The following PTPRD variants were observed in gnomAD, a reference collection of about 807,000 sequenced individuals.
PTPRD encodes protein tyrosine phosphatase receptor type D, also known as receptor-type tyrosine-protein phosphatase delta.
A neutral mutation model predicts 214.5 loss-of-function variants in PTPRD; 34 were observed. The ratio of observed to expected loss-of-function variants is 0.16; its 90% CI spans 0.12 to 0.21. The LOEUF is 0.21. Among genes scored for constraint, PTPRD ranks in the 10% least tolerant of loss-of-function variants. The probability of loss-of-function intolerance (pLI) is 1.00; values close to 1 mark genes in which losing one functional copy is unlikely to be tolerated. For missense variants in PTPRD, 2,545 were observed against 2,398.7 expected, an observed-to-expected ratio of 1.06 and a Z score of -1.27; for synonymous variants, 1,128 against 845.7, an observed-to-expected ratio of 1.33 and a Z score of -5.79.
chr9:9,593,220 C>T (rs1207976566), intron 7 of PTPRD, among the ~76,000 whole-genome samples: 1 of 150,412 alleles, frequency 6.6e-6, no homozygotes, highest in Non-Finnish European at 1.5e-5. Flanking sequence ...TTTGTTTTTC[C>T]CCCCCCTCAA....
In PTPRD at chr9:8,331,777, G is replaced by A. The variant is rs144241476; in HGVS notation, c.5380-41C>T. On this transcript the variant is annotated intron_variant, in intron 43 of 45. Transcript: ENST00000381196. ...CACATACCCGGCCGCAAAGGAAGAC[G>A]CCAGGAGGATTCAGCAAGCATACGG... is the stretch of plus-strand genomic sequence containing the variant. The A allele has an allele frequency of 2.1e-5, 32 of 1,530,612 alleles. No individual in the cohort carries two copies. In the East Asian group the frequency reaches 2.3e-4, roughly 11 times the overall value. The allele number at this position is 1,530,612 out of a possible 1,614,324, so 94.8% of individuals were successfully genotyped here.
intron 11 of PTPRD, 80 bp downstream of exon 11, chr9:9,018,617 T>C (rs1589877667): frequency 6.6e-6 from 1 of 152,260 alleles, no homozygotes; most frequent in African/African-American, 2.4e-5. Context: ...CAACCCACAG[T>C]AGTAAAGAAA....
intron 11 of PTPRD, among the ~76,000 whole-genome samples, chr9:8,848,570 C>T (rs1271459133): frequency 2.0e-5 from 3 of 149,382 alleles, no homozygotes; most frequent in African/African-American, 7.4e-5. Context: ...GTCTTAAACT[C>T]CTGGGCTCAA....
At chr9:10,050,945 A>G (rs147156249) in intron 3 of PTPRD, among the ~76,000 whole-genome samples, 1 of 152,266 alleles carries the variant, frequency 6.6e-6, no homozygotes, top group Non-Finnish European at 1.5e-5. Context: ...GGGTAAGCAT[A>G]TGTAATGCTT....
At chr9:8,852,312 G>C (rs1253218476) in intron 11 of PTPRD, among the ~76,000 whole-genome samples, 1 of 152,164 alleles carries the variant, frequency 6.6e-6, no homozygotes, top group Non-Finnish European at 1.5e-5. Flanking sequence ...TCATGCAACT[G>C]GCAGAGTTAC....
chr9:10,289,438 C>A (rs373797424), intron 3 of PTPRD, among the ~76,000 whole-genome samples: 2 of 152,028 alleles, frequency 1.3e-5, no homozygotes, highest in Non-Finnish European at 2.9e-5. Context: ...GATGTGACTG[C>A]CTAACATCAA....
intron 3 of PTPRD, among the ~76,000 whole-genome samples, chr9:10,036,822 T>A (rs1250545516): frequency 6.6e-6 from 1 of 152,068 alleles, no homozygotes; most frequent in Non-Finnish European, 1.5e-5. Flanking sequence ...GACCTTGTGA[T>A]CTGCCCGCCT....
intron 8 of PTPRD, among the ~76,000 whole-genome samples, chr9:9,567,556 C>G (rs1053592823): frequency 3.9e-5 from 6 of 152,088 alleles, no homozygotes; most frequent in Admixed American, 2.6e-4. Flanking sequence ...CTAAAGTAAA[C>G]TCACATTTTA....
intron 9 of PTPRD, among the ~76,000 whole-genome samples, chr9:9,367,717 T>C (rs2058269399): frequency 6.6e-6 from 1 of 151,676 alleles, no homozygotes; most frequent in Admixed American, 6.6e-5. Flanking sequence ...ATAGCTCCAA[T>C]TTCCTGGGTG....
At chr9:9,066,175 C>G (rs1382044787) in intron 10 of PTPRD, among the ~76,000 whole-genome samples, 2 of 152,006 alleles carry the variant, frequency 1.3e-5, no homozygotes, top group African/African-American at 4.8e-5. Context: ...TTAATGTTAT[C>G]CTACTCTCAT....
intron 3 of PTPRD, among the ~76,000 whole-genome samples, chr9:10,268,849 G>A (rs2094252409): frequency 6.6e-6 from 1 of 152,184 alleles, no homozygotes; most frequent in Admixed American, 6.5e-5. Flanking sequence ...GAAGAGGGTT[G>A]GCTAAATATA....
At chr9:9,089,304 T>C (rs2099772134) in intron 10 of PTPRD, among the ~76,000 whole-genome samples, 2 of 152,196 alleles carry the variant, frequency 1.3e-5, no homozygotes, top group Non-Finnish European at 2.9e-5. Flanking sequence ...GTCCTAATAA[T>C]ACTTTATTGG....
intron 2 of PTPRD, among the ~76,000 whole-genome samples, chr9:10,499,303 G>C (rs10959125): frequency 0.26 from 38,720 of 151,628 alleles, 5,252 homozygotes; most frequent in East Asian, 0.41. Context: ...TCTTGTGTTA[G>C]TTTGCCCAGA....
chr9:10,193,969 A>G (rs2099385738), intron 3 of PTPRD, among the ~76,000 whole-genome samples: 1 of 152,144 alleles, frequency 6.6e-6, no homozygotes, highest in Non-Finnish European at 1.5e-5. Flanking sequence ...GCTCAAAGTT[A>G]GAACAAAGAA....
chr9:8,867,952 A>G (rs1586940631), intron 11 of PTPRD, among the ~76,000 whole-genome samples: 2 of 152,262 alleles, frequency 1.3e-5, no homozygotes, highest in East Asian at 1.9e-4. Context: ...TGAAAACTTT[A>G]TAGGGCACAA....
chr9:8,917,017 T>C (rs1389239181), intron 11 of PTPRD, among the ~76,000 whole-genome samples: 1 of 151,546 alleles, frequency 6.6e-6, no homozygotes, highest in East Asian at 1.9e-4. Flanking sequence ...GCCTCTCTTT[T>C]CTCTCTGCAC....
At chr9:9,400,570 A>T (rs2069949525) in intron 8 of PTPRD, among the ~76,000 whole-genome samples, 1 of 152,048 alleles carries the variant, frequency 6.6e-6, no homozygotes, top group East Asian at 1.9e-4. Flanking sequence ...TTCATTTCCA[A>T]CCACATCTCC....
In PTPRD at chr9:9,700,982, C is replaced by T. The variant is rs565133590; in HGVS notation, c.-287+33551G>A. On this transcript the variant is annotated intron_variant, in intron 7 of 45. Transcript: ENST00000381196. ...AAAGAGTTGTAGGAACTCAGAGAAA[C>T]GAGTACTTCATTCCCCTAGAAGTCA... Among the ~76,000 whole-genome samples the T allele has an allele frequency of 7.3e-5, 11 of 150,912 alleles. No individual in the cohort carries two copies. The South Asian group carries it at 1.0e-3, about 14-fold the overall frequency.
chr9:9,949,450 G>C (rs1041421496), intron 4 of PTPRD, among the ~76,000 whole-genome samples: 1 of 151,956 alleles, frequency 6.6e-6, no homozygotes, highest in Non-Finnish European at 1.5e-5. Flanking sequence ...CTTACTGATT[G>C]GGATAATCAC....
Sources: gnomAD v4.1 joint callset for allele counts (sites outside exome capture counted in the v4.1 genomes callset) on GRCh38, gnomAD v4.1.1 for gene constraint, MANE v1.5 for transcripts, NCBI Gene and HGNC (gene_info 2026-07-23, HGNC 2026-07-21) for gene names.